The following BDH1 variants were observed in gnomAD, a reference collection of about 807,000 sequenced individuals.
BDH1 encodes the protein 3-hydroxybutyrate dehydrogenase 1.
Under a neutral mutation model 33.1 loss-of-function variants are expected in BDH1, and 30 were observed. The observed-to-expected ratio is 0.91, with a 90% CI of 0.68 to 1.23. The LOEUF (loss-of-function observed/expected upper bound fraction) is 1.23, where lower values mean the gene tolerates loss of function less well. BDH1 is among the 50% of genes most tolerant of loss of function. The pLI is 0.00. For synonymous variants in BDH1, 190 were observed against 183.6 expected (o/e 1.03, Z -0.28); for missense variants, 443 against 464.4 (o/e 0.95, Z 0.42).
At chr3:197,537,761 G>A (rs1408148194) in intron 3 of BDH1, among the ~76,000 whole-genome samples, 2 of 152,202 alleles carry the variant, frequency 1.3e-5, no homozygotes, top group East Asian at 3.8e-4. Context: ...CATTGATAGA[G>A]AGCATCATGT....
At chr3:197,548,940 C>T (rs1426445714) in intron 2 of BDH1, among the ~76,000 whole-genome samples, 3 of 152,182 alleles carry the variant, frequency 2.0e-5, no homozygotes, top group South Asian at 2.1e-4. Flanking sequence ...CTGTTGCATG[C>T]GTGTTTCTTA....
At chr3:197,545,474 C>T (rs946454188) in intron 3 of BDH1, among the ~76,000 whole-genome samples, 2 of 152,192 alleles carry the variant, frequency 1.3e-5, no homozygotes, top group African/African-American at 2.4e-5. Context: ...CCACACAAAC[C>T]CAAACTGAGA....
chr3:197,569,324 C>T (rs1717531890), intron 1 of BDH1, among the ~76,000 whole-genome samples: 1 of 152,008 alleles, frequency 6.6e-6, no homozygotes, highest in Admixed American at 6.6e-5. Context: ...GGGCATCATT[C>T]ATGTGGATAA....
rs1373715711 is a variant in BDH1 at position 197,522,027 on chromosome 3, C to T, written c.409+613G>A. On this transcript the variant is annotated intron_variant, in intron 6 of 7. Transcript: ENST00000392379. The surrounding 1 kb of genome is among the most constrained non-coding windows in gnomAD (Gnocchi z 4.8). Reference sequence around the variant, plus strand: ...TTTGCTGCCACCCCCTCTGCGTGACCTGACCCATGACTCATATTGAGGTGC... The same window carrying T: ...TTTGCTGCCACCCCCTCTGCGTGACTTGACCCATGACTCATATTGAGGTGC... Among the ~76,000 whole-genome samples the T allele has an allele frequency of 6.6e-6, 1 of 152,164 alleles. No homozygotes were observed. Among genetic ancestry groups the T allele is most frequent in the Non-Finnish European group, 1.5e-5 (1 of 68,050 alleles).
intron 3 of BDH1, among the ~76,000 whole-genome samples, chr3:197,541,795 C>T (rs1316991292): frequency 2.0e-5 from 3 of 152,164 alleles, no homozygotes; most frequent in African/African-American, 7.2e-5. Flanking sequence ...TACCACTGCC[C>T]TACAGGAAAA....
At chr3:197,533,362 G>C in intron 4 of BDH1, 127 bp downstream of exon 4, 1 of 946,204 alleles carries the variant, frequency 1.1e-6, no homozygotes. Flanking sequence ...AGGGTTAAGT[G>C]AGAAAGTGGC....
At chr3:197,534,148 A>T (rs896754001) in intron 3 of BDH1, 6 of 152,296 alleles carry the variant, frequency 3.9e-5, no homozygotes, top group Non-Finnish European at 8.8e-5. Context: ...TATCACAACC[A>T]GGATACTGAC....
rs1003045331 is a variant in BDH1 at position 197,528,052 on chromosome 3, G to T, written c.267+4360C>A. Among the ~76,000 whole-genome samples the T allele has an allele frequency of 6.6e-6, 1 of 152,094 alleles. No homozygotes were observed. Among genetic ancestry groups the T allele is most frequent in the African/African-American group, 2.4e-5 (1 of 41,416 alleles). On this transcript the variant is annotated intron_variant, in intron 5 of 7. Coordinates refer to ENST00000392379, the MANE Select transcript of BDH1 (RefSeq NM_203314.3). This position sits in a 1 kb window ranked among gnomAD's most constrained non-coding sequence, Gnocchi z 5.1. ...CATCCCCCCTTGGAATATAAGCTCC[G>T]CAAGGGCAAGAACTTCTCACTGAGG...
intron 1 of BDH1, among the ~76,000 whole-genome samples, chr3:197,563,716 T>A (rs1342582770): frequency 1.3e-5 from 2 of 152,234 alleles, no homozygotes; most frequent in Non-Finnish European, 1.5e-5. Context: ...GTGTCATTTT[T>A]AAAAAGATGA....
chr3:197,519,895 C>T (rs547654264), intron 6 of BDH1, among the ~76,000 whole-genome samples: 42 of 152,228 alleles, frequency 2.8e-4, no homozygotes, highest in African/African-American at 1.0e-3. Context: ...TCCTTCATCT[C>T]GCCCCCGTGG....
chr3:197,547,885 C>T (rs1375969571), intron 2 of BDH1, among the ~76,000 whole-genome samples: 4 of 152,256 alleles, frequency 2.6e-5, no homozygotes, highest in Non-Finnish European at 5.9e-5. Flanking sequence ...TCCTCTGTCT[C>T]CCTCACTAAA....
In BDH1 at chr3:197,554,996, G is replaced by A. The variant is rs1716894928; in HGVS notation, c.-195-283C>T. Among the ~76,000 whole-genome samples, 1 of 152,260 alleles carries A rather than the reference G, an allele frequency of 6.6e-6. No homozygotes were observed. The highest frequency in any genetic ancestry group is 1.5e-5 in the Non-Finnish European group (1 of 68,038). ...GGGGAGAGAGGGGGGCTCGGCCAGA[G>A]CCACGCTTCCCATTGGTTGAGACAG... On this transcript the variant is annotated intron_variant, in intron 1 of 7. Coordinates refer to ENST00000392379, the MANE Select transcript of BDH1 (RefSeq NM_203314.3). The surrounding 1 kb of genome is among the most constrained non-coding windows in gnomAD (Gnocchi z 4.4).
Position 197,522,789 on chromosome 3 carries a change from G to C in BDH1, c.268-8C>G. On this transcript the variant is annotated splice_polypyrimidine_tract_variant and splice_region_variant and intron_variant, in intron 5 of 7. Coordinates refer to ENST00000392379, the MANE Select transcript of BDH1 (RefSeq NM_203314.3). The surrounding 1 kb of genome is among the most constrained non-coding windows in gnomAD (Gnocchi z 4.8). ...CCCATCATGGCCTTTGTCCTGGGGA[G>C]GAGAGAAGAGCTGCTTCTACCTCCT... is the stretch of plus-strand genomic sequence containing the variant. 1 of 1,613,132 alleles carries C rather than the reference G, an allele frequency of 6.2e-7. No individual in the cohort carries two copies. The highest frequency in any genetic ancestry group is 8.5e-7 in the Non-Finnish European group (1 of 1,179,408).
chr3:197,522,910 A>G lies in BDH1; in HGVS notation c.268-129T>C. The G allele has an allele frequency of 8.8e-7, 1 of 1,134,678 alleles. No individual in the cohort carries two copies. Among genetic ancestry groups the G allele is most frequent in the Non-Finnish European group, 1.2e-6 (1 of 805,562 alleles). 70.3% of individuals were successfully genotyped at this position (1,134,678 alleles called of 1,614,324 possible). A position where few individuals can be genotyped will look rare whatever the true frequency, so the allele number is the denominator to read the frequency against. ...GCCTCAGGCATACTGGCAACTGCCCATGGGCCTGGCCCACCAGCATGCGGT... is the reference window on the plus strand; with the variant it reads ...GCCTCAGGCATACTGGCAACTGCCCGTGGGCCTGGCCCACCAGCATGCGGT... On this transcript the variant is annotated intron_variant, in intron 5 of 7. Coordinates refer to ENST00000392379, the MANE Select transcript of BDH1 (RefSeq NM_203314.3). This position sits in a 1 kb window ranked among gnomAD's most constrained non-coding sequence, Gnocchi z 4.8.
rs1713495515 is a variant in BDH1 at position 197,521,077 on chromosome 3, A to G, written c.409+1563T>C. On this transcript the variant is annotated intron_variant, in intron 6 of 7. Coordinates refer to ENST00000392379, the MANE Select transcript of BDH1 (RefSeq NM_203314.3). This position sits in a 1 kb window ranked among gnomAD's most constrained non-coding sequence, Gnocchi z 4.9. ...GGCTCAGCAGAGCTCCCCGCATGGG[A>G]TCTGGTCACTCCTGCCTTTTCCGCC... is the stretch of plus-strand genomic sequence containing the variant. 2.0e-5 allele frequency among the ~76,000 whole-genome samples: 3 copies of G among 152,096 alleles called. No homozygotes were observed. The South Asian group carries it at 6.2e-4, about 32-fold the overall frequency.
chr3:197,512,751 G>A (rs1712213365), intron 7 of BDH1, among the ~76,000 whole-genome samples: 1 of 152,192 alleles, frequency 6.6e-6, no homozygotes, highest in African/African-American at 2.4e-5. Context: ...AAGGTCTGGT[G>A]CTGGTGAGGG....
intron 1 of BDH1, among the ~76,000 whole-genome samples, chr3:197,562,019 C>A (rs1717277184): frequency 6.6e-6 from 1 of 152,176 alleles, no homozygotes; most frequent in South Asian, 2.1e-4. Context: ...TGTGAAGTTT[C>A]AAGAGTCGTG....
At chr3:197,540,542 G>A (rs1216179661) in intron 3 of BDH1, among the ~76,000 whole-genome samples, 7 of 151,806 alleles carry the variant, frequency 4.6e-5, no homozygotes, top group South Asian at 4.2e-4. Context: ...GGTGGCACAC[G>A]CCTATAATCC....
chr3:197,550,720 G>A (rs1239048151), intron 2 of BDH1, among the ~76,000 whole-genome samples: 1 of 152,044 alleles, frequency 6.6e-6, no homozygotes, highest in African/African-American at 2.4e-5. Context: ...GGGATAAGAT[G>A]CTCATGCAGA....
Sources: gnomAD v4.1 joint callset for allele counts (sites outside exome capture counted in the v4.1 genomes callset) on GRCh38, gnomAD v4.1.1 for gene constraint, Gnocchi (gnomAD v3.1) non-coding constraint, MANE v1.5 for transcripts, NCBI Gene and HGNC (gene_info 2026-07-23, HGNC 2026-07-21) for gene names.